Variants in ADGRL3 observed in about 807,000 individuals in gnomAD.
ADGRL3 encodes calcium-independent alpha-latrotoxin receptor 3.
ADGRL3 carries 62 observed loss-of-function variants against 153.5 expected under a neutral mutation model. That is an observed-to-expected ratio of 0.40 (90% CI 0.33 to 0.50). The LOEUF (loss-of-function observed/expected upper bound fraction) is 0.50, where lower values mean the gene tolerates loss of function less well. Ranked by LOEUF, ADGRL3 falls within the 20% of genes least tolerant of loss-of-function variation. The pLI is 0.47. For missense variants in ADGRL3, 1,641 were observed against 1,859.4 expected (o/e 0.88, Z 2.16); for synonymous variants, 710 against 672.5 (o/e 1.06, Z -0.86).
chr4:61,754,993 C>T (rs1198067188), intron 8 of ADGRL3, among the ~76,000 whole-genome samples: 1 of 152,106 alleles, frequency 6.6e-6, no homozygotes, highest in Non-Finnish European at 1.5e-5. Context: ...TGTATATGTG[C>T]CACATTTTCT....
intron 6 of ADGRL3, among the ~76,000 whole-genome samples, chr4:61,709,063 C>T (rs2151434477): frequency 6.6e-6 from 1 of 152,186 alleles, no homozygotes; most frequent in South Asian, 2.1e-4. Context: ...CCCGTCTCAG[C>T]CTCCCAAAGT....
At chr4:61,983,152 A>G (rs1381809908) in intron 18 of ADGRL3, among the ~76,000 whole-genome samples, 1 of 152,086 alleles carries the variant, frequency 6.6e-6, no homozygotes, top group African/African-American at 2.4e-5. Context: ...TTTTTATTCT[A>G]ATGATACACT....
At chr4:62,055,620 G>T (rs1736581889) in intron 25 of ADGRL3, among the ~76,000 whole-genome samples, 1 of 151,630 alleles carries the variant, frequency 6.6e-6, no homozygotes, top group Non-Finnish European at 1.5e-5. Context: ...TGGTTTCTGT[G>T]ATTTTAAAAC....
chr4:61,941,213 C>G (rs1462269455), intron 15 of ADGRL3, among the ~76,000 whole-genome samples: 1 of 115,346 alleles, frequency 8.7e-6, no homozygotes, highest in Non-Finnish European at 1.7e-5. Context: ...GCTTGTTTTT[C>G]TCAGGTTTGT....
chr4:61,630,129 T>C (rs2093071917), intron 5 of ADGRL3, among the ~76,000 whole-genome samples: 2 of 152,132 alleles, frequency 1.3e-5, no homozygotes, highest in African/African-American at 4.8e-5. Flanking sequence ...TGGATTTTAG[T>C]GTACTGTATA....
chr4:62,062,268 T>C (rs1287293640), intron 25 of ADGRL3, among the ~76,000 whole-genome samples: 2 of 152,044 alleles, frequency 1.3e-5, no homozygotes, highest in African/African-American at 2.4e-5. Context: ...GTTTATGCTT[T>C]TGAACCATTT....
intron 5 of ADGRL3, among the ~76,000 whole-genome samples, chr4:61,603,947 A>G (rs1421454290): frequency 1.3e-5 from 2 of 152,192 alleles, no homozygotes; most frequent in South Asian, 2.1e-4. Flanking sequence ...CTCAGTATTC[A>G]TCTTGAGGCA....
chr4:61,832,676 C>A (rs1305283506), intron 9 of ADGRL3, among the ~76,000 whole-genome samples: 1 of 152,174 alleles, frequency 6.6e-6, no homozygotes, highest in Non-Finnish European at 1.5e-5. Context: ...TTTTCTAACA[C>A]CTTCACTGGA....
intron 6 of ADGRL3, among the ~76,000 whole-genome samples, chr4:61,694,318 C>T (rs72638541): frequency 0.14 from 20,640 of 150,098 alleles, 1,871 homozygotes; most frequent in Non-Finnish European, 0.2. Flanking sequence ...ATTACATGCT[C>T]CTGGCCCCAG....
At chr4:61,727,871 A>T (rs2096376202) in intron 6 of ADGRL3, among the ~76,000 whole-genome samples, 1 of 152,118 alleles carries the variant, frequency 6.6e-6, no homozygotes, top group Admixed American at 6.5e-5. Flanking sequence ...CAAGAAGCAA[A>T]ATTGTTCAAT....
At chr4:61,662,539 A>G (rs1444092395) in intron 5 of ADGRL3, among the ~76,000 whole-genome samples, 2 of 152,168 alleles carry the variant, frequency 1.3e-5, no homozygotes, top group Admixed American at 1.3e-4. Flanking sequence ...GAGGGAGGCC[A>G]AAGGTGGGGG....
At chr4:61,991,854 C>T (rs1042396643) in intron 19 of ADGRL3, among the ~76,000 whole-genome samples, 1 of 148,648 alleles carries the variant, frequency 6.7e-6, no homozygotes, top group Admixed American at 6.8e-5. Flanking sequence ...CTTATTCTCT[C>T]AATCTTGCCA....
intron 9 of ADGRL3, among the ~76,000 whole-genome samples, chr4:61,843,359 A>G (rs1038960453): frequency 1.3e-5 from 2 of 152,192 alleles, no homozygotes; most frequent in Non-Finnish European, 2.9e-5. Flanking sequence ...GAGAATAAAG[A>G]TGTTTTCCAA....
At chr4:61,869,958 AAAAGAGAGAGAGAGAG>A (rs1272156148) in intron 9 of ADGRL3, among the ~76,000 whole-genome samples, 3 of 111,766 alleles carry the variant, frequency 2.7e-5, no homozygotes, top group Non-Finnish European at 5.7e-5. Flanking sequence ...AAAAAAAAAA[AAAAGAGAGAGAGAGAG>A]AAAGAGAGAG....
chr4:61,900,404 G>A (rs2098657911), intron 11 of ADGRL3, among the ~76,000 whole-genome samples: 1 of 152,268 alleles, frequency 6.6e-6, no homozygotes, highest in South Asian at 2.1e-4. Flanking sequence ...TACTGGTAAA[G>A]TTAGAGATTA....
intron 1 of ADGRL3, among the ~76,000 whole-genome samples, chr4:61,298,416 A>G (rs1204921416): frequency 2.6e-5 from 4 of 152,136 alleles, no homozygotes; most frequent in Non-Finnish European, 5.9e-5. Flanking sequence ...ATTCCTCCTT[A>G]TCCAGTTTTT....
chr4:61,298,339 C>T lies in ADGRL3; in HGVS notation c.-239-84785C>T, dbSNP rs529060794. On this transcript the variant is annotated intron_variant, in intron 1 of 26. Coordinates refer to ENST00000683033, the MANE Select transcript of ADGRL3 (RefSeq NM_001387552.1). ...CATTTATACCATGTTAACCAGCCTA[C>T]GTTTGTGGTCCCTCTAGTTGGGCAA... Among the ~76,000 whole-genome samples the T allele has an allele frequency of 1.4e-4, 22 of 152,214 alleles. No homozygotes were observed. In the South Asian group the frequency reaches 4.4e-3, roughly 30 times the overall value.
At chr4:61,796,900 C>G (rs1251899047) in intron 8 of ADGRL3, among the ~76,000 whole-genome samples, 1 of 151,610 alleles carries the variant, frequency 6.6e-6, no homozygotes, top group Non-Finnish European at 1.5e-5. Flanking sequence ...CAGTTAGTAC[C>G]CCTTCTATAT....
At chr4:61,471,072 A>G (rs1226095017) in intron 2 of ADGRL3, among the ~76,000 whole-genome samples, 1 of 151,628 alleles carries the variant, frequency 6.6e-6, no homozygotes, top group African/African-American at 2.4e-5. Flanking sequence ...TAACAGGCTG[A>G]TATTTTACTT....
Sources: gnomAD v4.1 joint callset for allele counts (sites outside exome capture counted in the v4.1 genomes callset) on GRCh38, gnomAD v4.1.1 for gene constraint, MANE v1.5 for transcripts, NCBI Gene and HGNC (gene_info 2026-07-23, HGNC 2026-07-21) for gene names.